Variants in SDHA observed in about 807,000 individuals in gnomAD.
SDHA encodes succinate dehydrogenase [ubiquinone] flavoprotein subunit, mitochondrial.
SDHA carries 48 observed loss-of-function variants against 78.4 expected under a neutral mutation model. The ratio of observed to expected loss-of-function variants is 0.61; its 90% CI spans 0.49 to 0.78. The LOEUF (loss-of-function observed/expected upper bound fraction) is 0.78, where lower values mean the gene tolerates loss of function less well. SDHA is among the 30% of genes least tolerant of loss of function. The probability of loss-of-function intolerance (pLI) is 0.00; values close to 1 mark genes in which losing one functional copy is unlikely to be tolerated. For synonymous variants in SDHA, 326 were observed against 353.9 expected (o/e 0.92, Z 0.88); for missense variants, 680 against 892.7 (o/e 0.76, Z 3.04).
chr5:232,032 C>CG (rs139500645), intron 7 of SDHA, among the ~76,000 whole-genome samples: 5 of 129,222 alleles, frequency 3.9e-5, no homozygotes, highest in African/African-American at 2.4e-4. Flanking sequence ...AGACACACAC[C>CG]TGCCTCTTGT....
intron 1 of SDHA, among the ~76,000 whole-genome samples, chr5:222,764 C>G (rs1175312117): frequency 6.6e-6 from 1 of 152,212 alleles, no homozygotes; most frequent in Non-Finnish European, 1.5e-5. Context: ...TGTCACCTCT[C>G]TCACACAGAG....
At chr5:249,385 A>C (rs1025463774) in intron 11 of SDHA, 1 of 185,408 alleles carries the variant, frequency 5.4e-6, no homozygotes, top group South Asian at 9.2e-5. Flanking sequence ...CATAAACAAA[A>C]TCTCTGCAGC....
intron 8 of SDHA, chr5:234,421 A>AC (rs1735628340): frequency 7.4e-6 from 1 of 134,832 alleles, no homozygotes; most frequent in African/African-American, 3.4e-5. Flanking sequence ...TCTGTCTCAA[A>AC]AAAAAAAAAA....
intron 13 of SDHA, among the ~76,000 whole-genome samples, chr5:253,842 C>T (rs1250816899): frequency 3.3e-5 from 5 of 152,138 alleles, no homozygotes; most frequent in Admixed American, 2.0e-4. Context: ...AGGCCAATGA[C>T]TTGAGCCCCA....
At chr5:239,192 A>G (rs11740220) in intron 10 of SDHA, among the ~76,000 whole-genome samples, 74,577 of 148,140 alleles carry the variant, frequency 0.5, 19,866 homozygotes, top group Non-Finnish European at 0.62. Flanking sequence ...TCCTGCATGT[A>G]TTACCTGTTG....
At chr5:239,304 C>T (rs1378747333) in intron 10 of SDHA, among the ~76,000 whole-genome samples, 4 of 151,534 alleles carry the variant, frequency 2.6e-5, no homozygotes, top group African/African-American at 4.8e-5. Flanking sequence ...GTGGCTCACA[C>T]GTGATCCCAG....
intron 11 of SDHA, among the ~76,000 whole-genome samples, chr5:246,710 C>G (rs62344333): frequency 0.034 from 5,161 of 152,182 alleles, 155 homozygotes; most frequent in Middle Eastern, 0.058. Flanking sequence ...ATTTTTCCAA[C>G]TCCACATTCA....
the SDHA span, among the ~76,000 whole-genome samples, chr5:265,821 A>C: frequency 1.5e-5 from 1 of 66,628 alleles, no homozygotes; most frequent in Non-Finnish European, 2.7e-5. Flanking sequence ...ATTCTGTCTC[A>C]AAAAAAAAAA....
chr5:229,521 G>T (rs1394635958), intron 6 of SDHA, among the ~76,000 whole-genome samples: 52 of 152,348 alleles, frequency 3.4e-4, no homozygotes, highest in African/African-American at 1.2e-3. Flanking sequence ...GATACTGCAT[G>T]TCACTCATGT....
At chr5:251,779 T>G in intron 13 of SDHA, 1 of 1,315,496 alleles carries the variant, frequency 7.6e-7, no homozygotes, top group South Asian at 1.3e-5. Context: ...AAATGCCAGT[T>G]TATTAAATAA....
At chr5:223,057 T>C (rs976753153) in intron 1 of SDHA, among the ~76,000 whole-genome samples, 23 of 152,316 alleles carry the variant, frequency 1.5e-4, no homozygotes, top group Admixed American at 1.3e-3. Flanking sequence ...GGAACTGTAA[T>C]GTGGAAAGGG....
chr5:251,686 A>C (rs1238083230), intron 13 of SDHA: 1 of 1,493,384 alleles, frequency 6.7e-7, no homozygotes, highest in Non-Finnish European at 9.0e-7. Flanking sequence ...CACTGATGCC[A>C]GCAGTGGCAT....
At position 218,372 on chromosome 5, in the gene SDHA, G is replaced by A. The variant is rs187964306; in HGVS notation, c.17G>A (p.Gly6Asp). The part of the protein sequence containing the change: MSGVR[G>D]LSRLLSARRL... ...ACAGCAGACATGTCGGGGGTCCGGG[G>A]CCTGTCGCGGCTGCTGAGCGCTCGG... The change falls in exon 1 of 15, where the codon GGC (glycine) becomes GAC (aspartate). Residue 6 changes from glycine (G) to aspartate (D), a missense_variant. By Grantham distance (94) the Gly-to-Asp change is moderately conservative. Transcript: ENST00000264932. The A allele has an allele frequency of 1.0e-3, 1,492 of 1,457,028 alleles. 11 individuals are homozygous for A. The African/African-American group carries it at 0.019, about 18-fold the overall frequency. 90.3% of individuals were successfully genotyped at this position (1,457,028 alleles called of 1,614,324 possible).
chr5:221,382 T>C (rs1734705514), intron 1 of SDHA, among the ~76,000 whole-genome samples: 1 of 152,216 alleles, frequency 6.6e-6, no homozygotes, highest in Non-Finnish European at 1.5e-5. Context: ...TTCCGCTTCT[T>C]CCTGATACAG....
chr5:230,745 A>T (rs1735343861), intron 6 of SDHA, 131 bp from the exon 7 acceptor site: 2 of 1,201,654 alleles, frequency 1.7e-6, no homozygotes, highest in African/African-American at 3.0e-5. Context: ...GGTGTGCGTG[A>T]GTAGGGGGTT....
intron 11 of SDHA, among the ~76,000 whole-genome samples, chr5:247,567 C>G (rs1736539174): frequency 6.6e-6 from 1 of 152,250 alleles, no homozygotes; most frequent in African/African-American, 2.4e-5. Flanking sequence ...ATGGTACATT[C>G]CTCATCTTTT....
intron 11 of SDHA, among the ~76,000 whole-genome samples, chr5:247,247 A>G (rs953302518): frequency 1.3e-5 from 2 of 152,230 alleles, no homozygotes; most frequent in African/African-American, 4.8e-5. Flanking sequence ...TTCATTCCAC[A>G]CAATTAATTG....
chr5:228,430 A>T, intron 6 of SDHA, 97 bp downstream of exon 6: 2 of 1,304,498 alleles, frequency 1.5e-6, no homozygotes. Context: ...TTGTAGAATA[A>T]CGGTTTAGAC....
At position 254,380 on chromosome 5, in the gene SDHA, T is replaced by C; in HGVS notation, c.1795-13T>C. The C allele has an allele frequency of 6.3e-7, 1 of 1,586,098 alleles. No individual in the cohort carries two copies. Among genetic ancestry groups the C allele is most frequent in the South Asian group, 1.1e-5 (1 of 87,176 alleles). ...TAGAGTAATAAGAAACGTGATGGTG[T>C]TTCTGGCCTCAGGTGCGGATTGATG... On this transcript the variant is annotated splice_polypyrimidine_tract_variant and intron_variant, in intron 13 of 14. Coordinates refer to ENST00000264932, the MANE Select transcript of SDHA (RefSeq NM_004168.4).
Sources: allele counts gnomAD v4.1 joint callset (sites outside exome capture counted in the v4.1 genomes callset), GRCh38; gene constraint gnomAD v4.1.1; transcripts MANE v1.5; gene names NCBI Gene and HGNC (gene_info 2026-07-23, HGNC 2026-07-21).